Variants in NFKB1 observed in about 807,000 individuals in gnomAD.
NFKB1 encodes nuclear factor kappa B subunit 1.
NFKB1 carries 9 observed loss-of-function variants against 105.1 expected under a neutral mutation model. That is an observed-to-expected ratio of 0.09 (90% confidence interval 0.05 to 0.15). NFKB1 has a LOEUF of 0.15. Among genes scored for constraint, NFKB1 ranks in the 10% least tolerant of loss-of-function variants. The pLI is 1.00. For missense variants in NFKB1, 830 were observed against 1,203.7 expected (o/e 0.69, Z 4.59); for synonymous variants, 440 against 442.2 (o/e 1.00, Z 0.06).
At chr4:102,554,726 C>T (rs1306505694) in intron 5 of NFKB1, among the ~76,000 whole-genome samples, 1 of 152,136 alleles carries the variant, frequency 6.6e-6, no homozygotes, top group Non-Finnish European at 1.5e-5. Flanking sequence ...AGTCTCCCTG[C>T]TGGTGGTGAA....
chr4:102,537,854 G>A lies in NFKB1; in HGVS notation c.160-4G>A. The A allele has an allele frequency of 6.3e-7, 1 of 1,585,586 alleles. No individual in the cohort carries two copies. The highest frequency in any genetic ancestry group is 1.1e-5 in the South Asian group (1 of 90,178). On this transcript the variant is annotated splice_region_variant and splice_polypyrimidine_tract_variant and intron_variant, in intron 4 of 23. Transcript: ENST00000226574. ...CTTAATTGGCTTAACGTTCACCTTT[G>A]CAGAGAGGATTTCGTTTCCGTTATG...
intron 1 of NFKB1, among the ~76,000 whole-genome samples, chr4:102,520,549 A>G (rs1302802837): frequency 6.6e-6 from 1 of 152,202 alleles, no homozygotes; most frequent in Non-Finnish European, 1.5e-5. Flanking sequence ...AATTGATCAC[A>G]TTGCACCCAA....
chr4:102,502,104 C>T (rs1739080056), intron 1 of NFKB1: 1 of 152,474 alleles, frequency 6.6e-6, no homozygotes, highest in South Asian at 2.1e-4. Flanking sequence ...TTAAAATCCC[C>T]AACCCCAGCC....
At chr4:102,604,973 T>TA (rs70937553) in intron 16 of NFKB1, among the ~76,000 whole-genome samples, 41,535 of 146,146 alleles carry the variant, frequency 0.28, 6,293 homozygotes, top group African/African-American at 0.41. Flanking sequence ...AAGAAAATAT[T>TA]AAAAAAAAAA....
intron 5 of NFKB1, among the ~76,000 whole-genome samples, chr4:102,541,421 T>C (rs1741990244): frequency 6.6e-6 from 1 of 152,214 alleles, no homozygotes; most frequent in Non-Finnish European, 1.5e-5. Flanking sequence ...CTGTATAATT[T>C]CTGTTAGAAT....
At chr4:102,614,714 C>G (rs952184359) in intron 23 of NFKB1, among the ~76,000 whole-genome samples, 4 of 152,050 alleles carry the variant, frequency 2.6e-5, no homozygotes, top group African/African-American at 9.7e-5. Flanking sequence ...ATGGTTGACG[C>G]CTACCTTCAA....
chr4:102,597,601 T>G lies in NFKB1; in HGVS notation c.1577T>G (p.Val526Gly). 1 of 1,613,880 alleles carries G rather than the reference T, an allele frequency of 6.2e-7. No individual in the cohort carries two copies. Among genetic ancestry groups the G allele is most frequent in the Non-Finnish European group, 8.5e-7 (1 of 1,179,906 alleles). ...TTCGACTACGCGGTGACAGGAGACG[T>G]GAAGATGCTGCTGGCCGTCCAGCGC... ...ALFDYAVTGD[V>G]KMLLAVQRHL... The change falls in exon 15 of 24, where the codon GTG (valine) becomes GGG (glycine). Residue 526 changes from valine to glycine, a missense_variant. Coordinates refer to ENST00000226574, the MANE Select transcript of NFKB1 (RefSeq NM_003998.4).
intron 5 of NFKB1, among the ~76,000 whole-genome samples, chr4:102,542,471 G>A (rs958321645): frequency 6.9e-5 from 10 of 145,736 alleles, no homozygotes; most frequent in African/African-American, 1.7e-4. Context: ...ATAGGTATTA[G>A]CATCTTACCT....
chr4:102,516,260 A>C (rs1367327903), intron 1 of NFKB1, among the ~76,000 whole-genome samples: 1 of 152,024 alleles, frequency 6.6e-6, no homozygotes, highest in Admixed American at 6.5e-5. Context: ...TCCAGCAGAG[A>C]GATCTTTGAG....
At chr4:102,554,489 TCTCTATAA>T (rs754002282) in intron 5 of NFKB1, among the ~76,000 whole-genome samples, 19 of 152,154 alleles carry the variant, frequency 1.2e-4, no homozygotes, top group Non-Finnish European at 2.1e-4. Flanking sequence ...TTATTCAGAC[TCTCTATAA>T]ACTGTGCTGT....
Position 102,607,567 on chromosome 4 carries a change from A to G in NFKB1, c.2125-82A>G, listed in dbSNP as rs1002349345. 15 of 1,402,374 alleles carry G rather than the reference A, an allele frequency of 1.1e-5. No homozygotes were observed. The Admixed American group carries it at 2.5e-4, about 24-fold the overall frequency. The allele number at this position is 1,402,374 out of a possible 1,614,324, so 86.9% of individuals were successfully genotyped here. A position where few individuals can be genotyped will look rare whatever the true frequency, so the allele number is the denominator to read the frequency against. On this transcript the variant is annotated intron_variant, in intron 18 of 23. Transcript: ENST00000226574. ...GCAATTGGGCTAGTAATAGGACCCA[A>G]GGAGCCATGCACACTGGGAGGTGGG...
chr4:102,601,050 T>C, intron 16 of NFKB1, 41 bp downstream of exon 16: 1 of 1,256,118 alleles, frequency 8.0e-7, no homozygotes, highest in Non-Finnish European at 1.1e-6. Flanking sequence ...GAAAAATCTG[T>C]AGTTTACTTT....
Position 102,531,087 on chromosome 4 carries a change from A to T in NFKB1, c.118+1173A>T, listed in dbSNP as rs570993262. Among the ~76,000 whole-genome samples, 166 of 152,274 alleles carry T rather than the reference A, an allele frequency of 1.1e-3. 1 individual carries two copies. Among genetic ancestry groups the T allele is most frequent in the Non-Finnish European group, 1.3e-3 (91 of 68,002 alleles). On this transcript the variant is annotated intron_variant, in intron 3 of 23. Transcript: ENST00000226574. Reference sequence around the variant, plus strand: ...TCTTAGTATTAATGTATTACTGAAAATATAAGAACTTGGTTCTGTCCACAG... The same window carrying T: ...TCTTAGTATTAATGTATTACTGAAATTATAAGAACTTGGTTCTGTCCACAG...
chr4:102,545,123 C>T (rs912861176), intron 5 of NFKB1, among the ~76,000 whole-genome samples: 1 of 152,174 alleles, frequency 6.6e-6, no homozygotes, highest in Non-Finnish European at 1.5e-5. Flanking sequence ...CACAGAAGCA[C>T]TAAGATCCCC....
intron 5 of NFKB1, among the ~76,000 whole-genome samples, chr4:102,553,926 T>G (rs1308075302): frequency 6.6e-6 from 1 of 152,238 alleles, no homozygotes; most frequent in African/African-American, 2.4e-5. Context: ...TTTCTCAGTT[T>G]GTAATTGTGG....
At chr4:102,510,919 C>A in intron 1 of NFKB1, 1 of 1,282,938 alleles carries the variant, frequency 7.8e-7, no homozygotes, top group Non-Finnish European at 1.0e-6. Flanking sequence ...AAGACAGAAG[C>A]ATATCTTGGA....
At position 102,616,726 on chromosome 4, in the gene NFKB1, C is replaced by T. The variant is rs4648144; in HGVS notation, c.*132C>T. The T allele has an allele frequency of 2.9e-3, 2,666 of 918,736 alleles. 10 individuals carry two copies. Among genetic ancestry groups the T allele is most frequent in the Non-Finnish European group, 3.6e-3 (2,249 of 630,026 alleles). The allele number at this position is 918,736 out of a possible 1,614,324, so 56.9% of individuals were successfully genotyped here. On this transcript the variant is annotated 3_prime_UTR_variant, in exon 24 of 24. Coordinates refer to ENST00000226574, the MANE Select transcript of NFKB1 (RefSeq NM_003998.4). ...CGCCTGAATCATTCTCGATTTAACT[C>T]GAGACCTTTTCAACTTGGCTTCCTT...
chr4:102,552,277 G>A (rs997629667), intron 5 of NFKB1, among the ~76,000 whole-genome samples: 2 of 152,186 alleles, frequency 1.3e-5, no homozygotes, highest in African/African-American at 4.8e-5. Context: ...GGATTTGGTT[G>A]TCTTCAAATA....
At chr4:102,567,224 G>A in intron 6 of NFKB1, 89 bp downstream of exon 6, 2 of 1,400,338 alleles carry the variant, frequency 1.4e-6, no homozygotes, top group South Asian at 2.6e-5. Flanking sequence ...CTTTCATTAG[G>A]GACCTTTCTG....
Sources: gnomAD v4.1 joint callset for allele counts (sites outside exome capture counted in the v4.1 genomes callset) on GRCh38, gnomAD v4.1.1 for gene constraint, MANE v1.5 for transcripts, NCBI Gene and HGNC (gene_info 2026-07-23, HGNC 2026-07-21) for gene names.